Variants in AGAP1 observed in about 807,000 individuals in gnomAD.
AGAP1 encodes ArfGAP with GTPase domain, ankyrin repeat and PH domain 1, also known as arf-GAP with GTPase, ANK repeat and PH domain-containing protein 1.
AGAP1 carries 29 observed loss-of-function variants against 105.3 expected under a neutral mutation model. The observed-to-expected ratio is 0.28, with a 90% CI of 0.21 to 0.38. The LOEUF (loss-of-function observed/expected upper bound fraction) is 0.38, where lower values mean the gene tolerates loss of function less well. AGAP1 is among the 10% of genes least tolerant of loss of function. The probability of loss-of-function intolerance (pLI) is 1.00; values close to 1 mark genes in which losing one functional copy is unlikely to be tolerated. For synonymous variants in AGAP1, 509 were observed against 485.9 expected (o/e 1.05, Z -0.63); for missense variants, 998 against 1,165.1 (o/e 0.86, Z 2.09).
At chr2:235,668,792 A>T (rs1185546577) in intron 1 of AGAP1, among the ~76,000 whole-genome samples, 1 of 152,248 alleles carries the variant, frequency 6.6e-6, no homozygotes, top group Non-Finnish European at 1.5e-5. Context: ...TGCCTGGCAC[A>T]TAGGATTTTA....
intron 9 of AGAP1, among the ~76,000 whole-genome samples, chr2:235,833,557 T>C (rs1006967184): frequency 2.7e-5 from 4 of 150,122 alleles, no homozygotes; most frequent in African/African-American, 7.4e-5. Context: ...CTCCTCAGAG[T>C]GCTTGCTAAT....
At chr2:235,884,087 A>T (rs1025310062) in intron 10 of AGAP1, among the ~76,000 whole-genome samples, 1 of 152,244 alleles carries the variant, frequency 6.6e-6, no homozygotes, top group African/African-American at 2.4e-5. Flanking sequence ...TCTACCCTTG[A>T]TAAAATTTAA....
rs561344987 is a variant in AGAP1 at position 236,053,373 on chromosome 2, G to C, written c.2114+4092G>C. On this transcript the variant is annotated intron_variant, in intron 16 of 17. Coordinates refer to ENST00000304032, the MANE Select transcript of AGAP1 (RefSeq NM_001037131.3). This position sits in a 1 kb window ranked among gnomAD's most constrained non-coding sequence, Gnocchi z 4.6. ...AATTCCTCATGTGAGTGAAACCGGGGCTTTGACGTTTGCAGCACCAGCAAA... is the reference window on the plus strand; with the variant it reads ...AATTCCTCATGTGAGTGAAACCGGGCCTTTGACGTTTGCAGCACCAGCAAA... Among the ~76,000 whole-genome samples the C allele has an allele frequency of 6.6e-6, 1 of 152,358 alleles. No individual in the cohort carries two copies. Among genetic ancestry groups the C allele is most frequent in the African/African-American group, 2.4e-5 (1 of 41,590 alleles).
chr2:235,929,231 G>GT (rs1288799571), intron 11 of AGAP1, among the ~76,000 whole-genome samples: 2 of 152,112 alleles, frequency 1.3e-5, no homozygotes, highest in Admixed American at 1.3e-4. Flanking sequence ...GGCTGGAGTG[G>GT]TTTTTTTAAT....
rs2125819007 is a variant in AGAP1, at chr2:236,076,789, T to TG, written c.2114+27511dup. 6.6e-6 allele frequency among the ~76,000 whole-genome samples: 1 copy of TG among 152,172 alleles called. No individual in the cohort carries two copies. The highest frequency in any genetic ancestry group is 2.1e-4 in the South Asian group (1 of 4,818). ...CCTCCAGTGAGCCAGGGCTACATTT[T>TG]GGGAAGTGACTGTATCCTACAGAGT... On this transcript the variant is annotated intron_variant, in intron 16 of 17. Coordinates refer to ENST00000304032, the MANE Select transcript of AGAP1 (RefSeq NM_001037131.3). The surrounding 1 kb of genome is among the most constrained non-coding windows in gnomAD (Gnocchi z 4.4).
At chr2:235,968,427 T>A in intron 12 of AGAP1, 35 bp from the exon 13 acceptor site, 1 of 1,522,184 alleles carries the variant, frequency 6.6e-7, no homozygotes, top group Non-Finnish European at 8.8e-7. Flanking sequence ...TCTGCATTTT[T>A]TTTTTTTTTT....
intron 1 of AGAP1, among the ~76,000 whole-genome samples, chr2:235,682,288 TTGG>T (rs1245609238): frequency 2.6e-5 from 4 of 152,150 alleles, no homozygotes. Context: ...CTGAACTAGC[TTGG>T]TGGCCAAGAA....
intron 1 of AGAP1, among the ~76,000 whole-genome samples, chr2:235,571,244 A>T (rs966356804): frequency 6.6e-5 from 10 of 152,226 alleles, no homozygotes; most frequent in Admixed American, 5.9e-4. Context: ...ACTGGGGGTT[A>T]CCGTTCGACA....
At chr2:235,686,634 TATATATATATAG>T (rs1553605527) in intron 1 of AGAP1, among the ~76,000 whole-genome samples, 1,407 of 51,648 alleles carry the variant, frequency 0.027, 35 homozygotes, top group African/African-American at 0.042. Context: ...TATATATATA[TATATATATATAG>T]ATATATATAT....
In AGAP1 at chr2:235,697,437, A is replaced by G. The variant is rs138882226; in HGVS notation, c.164-11742A>G. On this transcript the variant is annotated intron_variant, in intron 1 of 17. Transcript: ENST00000304032. ...CCCAGTGCCCCCACTTCCCCCTGCA[A>G]TCCCCGATGAAGCAATGCTTCTCTG... Among the ~76,000 whole-genome samples, 517 of 152,264 alleles carry G rather than the reference A, an allele frequency of 3.4e-3. 3 individuals carry two copies. Among genetic ancestry groups the G allele is most frequent in the Non-Finnish European group, 6.0e-3 (408 of 68,020 alleles).
intron 16 of AGAP1, among the ~76,000 whole-genome samples, chr2:236,116,388 C>T (rs1435745901): frequency 1.7e-5 from 2 of 115,922 alleles, no homozygotes; most frequent in Non-Finnish European, 3.7e-5. Flanking sequence ...TTTGCTCTGT[C>T]GCCCACGCTG....
chr2:235,842,447 G>T lies in AGAP1; in HGVS notation c.1050+35116G>T, dbSNP rs531504541. Among the ~76,000 whole-genome samples, 1 of 152,172 alleles carries T rather than the reference G, an allele frequency of 6.6e-6. No individual in the cohort carries two copies. Among genetic ancestry groups the T allele is most frequent in the Non-Finnish European group, 1.5e-5 (1 of 68,048 alleles). ...GGTTGTTTTCTCTGGTCACCGTTTG[G>T]CAATGGAAGGTACTAGGTCTGCCAC... On this transcript the variant is annotated intron_variant, in intron 9 of 17. Transcript: ENST00000304032. The surrounding 1 kb of genome is among the most constrained non-coding windows in gnomAD (Gnocchi z 5.3).
In AGAP1 at chr2:235,586,307, G is replaced by A. The variant is rs939763145; in HGVS notation, c.163+91458G>A. On this transcript the variant is annotated intron_variant, in intron 1 of 17. Coordinates refer to ENST00000304032, the MANE Select transcript of AGAP1 (RefSeq NM_001037131.3). The surrounding 1 kb of genome is among the most constrained non-coding windows in gnomAD (Gnocchi z 4.2). Reference sequence around the variant, plus strand: ...GACCAGACCACCCACTTTGCCCTCTGCACGCTCACTCCACGAAGGATGCAG... The same window carrying A: ...GACCAGACCACCCACTTTGCCCTCTACACGCTCACTCCACGAAGGATGCAG... Among the ~76,000 whole-genome samples, 22 of 152,170 alleles carry A rather than the reference G, an allele frequency of 1.4e-4. No individual in the cohort carries two copies. The highest frequency in any genetic ancestry group is 5.3e-4 in the African/African-American group (22 of 41,438).
chr2:236,106,608 ATTCT>A (rs1559282069), intron 16 of AGAP1, among the ~76,000 whole-genome samples: 1 of 152,194 alleles, frequency 6.6e-6, no homozygotes, highest in African/African-American at 2.4e-5. Context: ...ACGTAAGCCA[ATTCT>A]TTCATTCTGG....
At position 235,639,978 on chromosome 2, in the gene AGAP1, T is replaced by A. The variant is rs915884681; in HGVS notation, c.164-69201T>A. 6.6e-6 allele frequency among the ~76,000 whole-genome samples: 1 copy of A among 152,240 alleles called. No individual in the cohort carries two copies. The highest frequency in any genetic ancestry group is 1.5e-5 in the Non-Finnish European group (1 of 68,046). On this transcript the variant is annotated intron_variant, in intron 1 of 17. Coordinates refer to ENST00000304032, the MANE Select transcript of AGAP1 (RefSeq NM_001037131.3). The surrounding 1 kb of genome is among the most constrained non-coding windows in gnomAD (Gnocchi z 5.3). ...GTTGCTCAAAAGCAGTTTTTGTTTT[T>A]CTTGATAGCTGGATTTGGGTTATCT...
intron 16 of AGAP1, among the ~76,000 whole-genome samples, chr2:236,103,884 G>A (rs910155707): frequency 6.6e-6 from 1 of 152,158 alleles, no homozygotes; most frequent in Non-Finnish European, 1.5e-5. Flanking sequence ...GCCCCTTCTA[G>A]GCACCCCGCC....
In AGAP1 at chr2:235,737,925, G is replaced by T. The variant is rs180687565; in HGVS notation, c.311-3038G>T. ...AAAGTTGAACCTTAGGGTTCATCAA[G>T]CAGGGAGGGCTTCCACATACCCTTG... On this transcript the variant is annotated intron_variant, in intron 3 of 17. Transcript: ENST00000304032. This position sits in a 1 kb window ranked among gnomAD's most constrained non-coding sequence, Gnocchi z 4.5. Among the ~76,000 whole-genome samples the T allele has an allele frequency of 1.8e-3, 274 of 152,162 alleles. No homozygotes were observed. Among genetic ancestry groups the T allele is most frequent in the African/African-American group, 6.3e-3 (260 of 41,540 alleles).
rs1464469437 is a variant in AGAP1, at chr2:236,053,268, T to C, written c.2114+3987T>C. On this transcript the variant is annotated intron_variant, in intron 16 of 17. Coordinates refer to ENST00000304032, the MANE Select transcript of AGAP1 (RefSeq NM_001037131.3). This position sits in a 1 kb window ranked among gnomAD's most constrained non-coding sequence, Gnocchi z 4.6. ...GAACGTCTCCTGCATGAATGAATGA[T>C]TGAACGAGTAAATGAGTGAAAGCGG... is the stretch of plus-strand genomic sequence containing the variant. Among the ~76,000 whole-genome samples the C allele has an allele frequency of 6.6e-6, 1 of 152,214 alleles. No homozygotes were observed. Among genetic ancestry groups the C allele is most frequent in the South Asian group, 2.1e-4 (1 of 4,832 alleles).
rs910004435 is a variant in AGAP1, at chr2:235,620,352, G to A, written c.164-88827G>A. Among the ~76,000 whole-genome samples, 1 of 152,114 alleles carries A rather than the reference G, an allele frequency of 6.6e-6. No homozygotes were observed. Among genetic ancestry groups the A allele is most frequent in the South Asian group, 2.1e-4 (1 of 4,820 alleles). On this transcript the variant is annotated intron_variant, in intron 1 of 17. Coordinates refer to ENST00000304032, the MANE Select transcript of AGAP1 (RefSeq NM_001037131.3). This position sits in a 1 kb window ranked among gnomAD's most constrained non-coding sequence, Gnocchi z 4.5. ...CAGTCCACTTGCCCAGCAGCCAGGG[G>A]CATCCCTGAGAAGCCGGGTCAGAGT... is the stretch of plus-strand genomic sequence containing the variant.
Sources: allele counts gnomAD v4.1 joint callset (sites outside exome capture counted in the v4.1 genomes callset), GRCh38; gene constraint gnomAD v4.1.1; non-coding constraint Gnocchi (gnomAD v3.1); transcripts MANE v1.5; gene names NCBI Gene and HGNC (gene_info 2026-07-23, HGNC 2026-07-21).